The following GLS variants were observed in gnomAD, a reference collection of about 807,000 sequenced individuals.
GLS encodes the protein glutaminase.
Under a neutral mutation model 86.7 loss-of-function variants are expected in GLS, and 36 were observed. The ratio of observed to expected loss-of-function variants is 0.42; its 90% CI spans 0.32 to 0.55. GLS has a LOEUF of 0.55. GLS is among the 20% of genes least tolerant of loss of function. The pLI is 0.17. For synonymous variants in GLS, 317 were observed against 305.9 expected (o/e 1.04, Z -0.38); for missense variants, 528 against 833.4 (o/e 0.63, Z 4.51).
chr2:190,933,232 T>A, intron 14 of GLS: 1 of 872,322 alleles, frequency 1.1e-6, no homozygotes, highest in Non-Finnish European at 1.4e-6. Context: ...CTCATAAGTT[T>A]TGTTGCATTT....
Position 190,954,464 on chromosome 2 carries a change from A to T in GLS, c.1713-120A>T. ...GTTAATAAGGTCGGTAGTTCCCATT[A>T]ATGAGCTTGATGAAGGATGGCACCT... On this transcript the variant is annotated intron_variant, in intron 15 of 17. Coordinates refer to ENST00000320717, the MANE Select transcript of GLS (RefSeq NM_014905.5). The surrounding 1 kb of genome is among the most constrained non-coding windows in gnomAD (Gnocchi z 4.0). 6.0e-6 allele frequency: 4 copies of T among 663,340 alleles called. No individual in the cohort carries two copies. Among genetic ancestry groups the T allele is most frequent in the South Asian group, 1.9e-5 (1 of 51,686 alleles). 41.1% of individuals were successfully genotyped at this position (663,340 alleles called of 1,614,324 possible).
chr2:190,958,747 C>G (rs548324133), intron 17 of GLS, among the ~76,000 whole-genome samples: 5 of 152,098 alleles, frequency 3.3e-5, no homozygotes, highest in Non-Finnish European at 7.4e-5. Context: ...GTTTGTTAAT[C>G]CTGAGTTCTA....
At chr2:190,909,043 A>AACTAATTTAT (rs1433069796) in intron 6 of GLS, among the ~76,000 whole-genome samples, 1 of 152,202 alleles carries the variant, frequency 6.6e-6, no homozygotes, top group Non-Finnish European at 1.5e-5. Flanking sequence ...TAAAAGTATA[A>AACTAATTTAT]ACTAATTTAT....
intron 14 of GLS, among the ~76,000 whole-genome samples, chr2:190,941,127 A>T (rs553509709): frequency 1.3e-5 from 2 of 152,294 alleles, no homozygotes; most frequent in African/African-American, 4.8e-5. Context: ...AGAAACCGTG[A>T]AGTGTTTAGG....
At position 190,900,696 on chromosome 2, in the gene GLS, A is replaced by G. The variant is rs1393814429; in HGVS notation, c.735+3A>G. Reference sequence around the variant, plus strand: ...CTAAAAAGCAGTCTGGAGGAAAGGTAATGCTTTTGATGTACATATTTTCAT... The same window carrying G: ...CTAAAAAGCAGTCTGGAGGAAAGGTGATGCTTTTGATGTACATATTTTCAT... On this transcript the variant is annotated splice_donor_region_variant and intron_variant, in intron 4 of 17. Transcript: ENST00000320717. The G allele has an allele frequency of 1.9e-6, 3 of 1,602,460 alleles. No homozygotes were observed. The Admixed American group carries it at 5.0e-5, about 27-fold the overall frequency.
chr2:190,952,700 G>A (rs1037788119), intron 14 of GLS, among the ~76,000 whole-genome samples: 2 of 152,260 alleles, frequency 1.3e-5, no homozygotes, highest in South Asian at 4.1e-4. Flanking sequence ...AGTATCAGTT[G>A]AGTCATCAAT....
intron 17 of GLS, among the ~76,000 whole-genome samples, chr2:190,958,887 T>C (rs1327947244): frequency 6.6e-6 from 1 of 152,236 alleles, no homozygotes; most frequent in Non-Finnish European, 1.5e-5. Flanking sequence ...GAGAAAAATG[T>C]ATATTCTATT....
intron 1 of GLS, among the ~76,000 whole-genome samples, chr2:190,886,733 T>A (rs1018324697): frequency 6.6e-6 from 1 of 152,028 alleles, no homozygotes; most frequent in Non-Finnish European, 1.5e-5. Context: ...CTGGCCAACA[T>A]GGTGAAACAC....
intron 17 of GLS, among the ~76,000 whole-genome samples, chr2:190,957,472 CCTTGT>C (rs1690888791): frequency 6.6e-6 from 1 of 152,228 alleles, no homozygotes; most frequent in African/African-American, 2.4e-5. Flanking sequence ...CAGAGGGCAT[CCTTGT>C]CTTGTGCCAA....
intron 17 of GLS, among the ~76,000 whole-genome samples, chr2:190,957,788 G>A (rs976838600): frequency 2.6e-5 from 4 of 152,192 alleles, no homozygotes; most frequent in African/African-American, 7.2e-5. Context: ...GCTTTTTGAT[G>A]TGCTGCTGGA....
intron 17 of GLS, among the ~76,000 whole-genome samples, chr2:190,960,467 C>T (rs980655466): frequency 4.7e-5 from 7 of 150,150 alleles, no homozygotes; most frequent in African/African-American, 1.7e-4. Flanking sequence ...CAGGCTCAAG[C>T]GATCCTCCCA....
chr2:190,954,943 C>A lies in GLS; in HGVS notation c.1853+125C>A. On this transcript the variant is annotated intron_variant, in intron 17 of 17. Coordinates refer to ENST00000320717, the MANE Select transcript of GLS (RefSeq NM_014905.5). The surrounding 1 kb of genome is among the most constrained non-coding windows in gnomAD (Gnocchi z 4.0). Reference sequence around the variant, plus strand: ...AACCTGCTATGATATCTTATAAAGGCAATAAACCTTGTTTCTACTAGATAG... The same window carrying A: ...AACCTGCTATGATATCTTATAAAGGAAATAAACCTTGTTTCTACTAGATAG... 9.2e-6 allele frequency: 6 copies of A among 655,132 alleles called. No individual in the cohort carries two copies. The highest frequency in any genetic ancestry group is 1.6e-5 in the Non-Finnish European group (6 of 382,506). The allele number at this position is 655,132 out of a possible 1,614,324, so 40.6% of individuals were successfully genotyped here.
At chr2:190,894,951 A>AT (rs3217036) in intron 1 of GLS, among the ~76,000 whole-genome samples, 2 of 151,694 alleles carry the variant, frequency 1.3e-5, no homozygotes, top group South Asian at 4.1e-4. Flanking sequence ...TGTGTTAATG[A>AT]TTTTTTTTCT....
In GLS at chr2:190,947,890, T is replaced by C. The variant is rs1452055648; in HGVS notation, c.1651-5675T>C. Among the ~76,000 whole-genome samples, 1 of 152,132 alleles carries C rather than the reference T, an allele frequency of 6.6e-6. No individual in the cohort carries two copies. On this transcript the variant is annotated intron_variant, in intron 14 of 17. Transcript: ENST00000320717. The surrounding 1 kb of genome is among the most constrained non-coding windows in gnomAD (Gnocchi z 5.0). ...AGGCATTCCAGAGGGTGTGTCAGCTTAGTTGGAAATACTCGTGGCGCTCTT... is the reference window on the plus strand; with the variant it reads ...AGGCATTCCAGAGGGTGTGTCAGCTCAGTTGGAAATACTCGTGGCGCTCTT...
intron 14 of GLS, among the ~76,000 whole-genome samples, chr2:190,942,580 G>T (rs996926158): frequency 5.3e-5 from 8 of 152,140 alleles, no homozygotes; most frequent in African/African-American, 1.9e-4. Flanking sequence ...CGTTTTTGGT[G>T]GGTGAAAAGG....
intron 1 of GLS, among the ~76,000 whole-genome samples, chr2:190,890,600 T>C (rs2125978702): frequency 6.6e-6 from 1 of 152,362 alleles, no homozygotes; most frequent in Non-Finnish European, 1.5e-5. Context: ...CCACCATCAA[T>C]TCAACTTTCT....
At chr2:190,884,062 T>G (rs1291932385) in intron 1 of GLS, among the ~76,000 whole-genome samples, 1 of 152,244 alleles carries the variant, frequency 6.6e-6, no homozygotes, top group Admixed American at 6.5e-5. Flanking sequence ...GTGATCTTAT[T>G]TAATTTTGTT....
intron 14 of GLS, among the ~76,000 whole-genome samples, chr2:190,950,109 G>C (rs1450288612): frequency 6.6e-6 from 1 of 151,938 alleles, no homozygotes; most frequent in Non-Finnish European, 1.5e-5. Context: ...CCAAAGGGAG[G>C]GGGAGAGGGA....
chr2:190,903,421 TCAC>T lies in GLS; in HGVS notation c.815+1398_815+1400del, dbSNP rs1173114885. ...TGGGTCAGTAAAATGTACTGAGCAGTCACCATGTGTTGAATTAAATGTTGTGTG... is the reference window on the plus strand; with the variant it reads ...TGGGTCAGTAAAATGTACTGAGCAGTCATGTGTTGAATTAAATGTTGTGTG... On this transcript the variant is annotated intron_variant, in intron 5 of 17. Transcript: ENST00000320717. Among the ~76,000 whole-genome samples, 5 of 152,300 alleles carry T rather than the reference TCAC, an allele frequency of 3.3e-5. No homozygotes were observed. The South Asian group carries it at 6.2e-4, about 19-fold the overall frequency.
Sources: allele counts gnomAD v4.1 joint callset (sites outside exome capture counted in the v4.1 genomes callset), GRCh38; gene constraint gnomAD v4.1.1; non-coding constraint Gnocchi (gnomAD v3.1); transcripts MANE v1.5; gene names NCBI Gene and HGNC (gene_info 2026-07-23, HGNC 2026-07-21).